The following TUSC3 variants were observed in gnomAD, a reference collection of about 807,000 sequenced individuals.
TUSC3 encodes dolichyl-diphosphooligosaccharide--protein glycosyltransferase subunit TUSC3.
TUSC3 carries 45 observed loss-of-function variants against 44.8 expected under a neutral mutation model. That is an observed-to-expected ratio of 1.00 (90% CI 0.79 to 1.29). TUSC3 has a LOEUF of 1.29. TUSC3 is among the 50% of genes most tolerant of loss of function. The pLI is 0.00. For missense variants in TUSC3, 519 were observed against 437.9 expected, an observed-to-expected ratio of 1.19 and a Z score of -1.65; for synonymous variants, 212 against 152.9, an observed-to-expected ratio of 1.39 and a Z score of -2.85.
chr8:15,422,372 G>A (rs1012904752), intron 1 of TUSC3, among the ~76,000 whole-genome samples: 14 of 152,022 alleles, frequency 9.2e-5, no homozygotes, highest in African/African-American at 3.4e-4. Context: ...TTTATAACAC[G>A]TCTTCTTACC....
rs1003305376 is a variant in TUSC3 at position 15,508,564 on chromosome 8, C to T, written n.189+25081C>T. On this transcript the variant is annotated intron_variant and non_coding_transcript_variant, in intron 2 of 5. Coordinates refer to the TUSC3 transcript ENST00000503191. ...GCAAGCTCCGCCTCCCGGGTTCGTGCCATTCTCCTGCCTCAGCCTCCCGAG... is the reference window on the plus strand; with the variant it reads ...GCAAGCTCCGCCTCCCGGGTTCGTGTCATTCTCCTGCCTCAGCCTCCCGAG... Among the ~76,000 whole-genome samples the T allele has an allele frequency of 3.5e-5, 5 of 142,258 alleles. 1 individual carries two copies. Among genetic ancestry groups the T allele is most frequent in the African/African-American group, 1.3e-4 (5 of 38,376 alleles). 93.3% of individuals were successfully genotyped at this position (142,258 alleles called of 152,430 possible).
intron 1 of TUSC3, among the ~76,000 whole-genome samples, chr8:15,554,478 A>G (rs1802168012): frequency 6.6e-6 from 1 of 151,698 alleles, no homozygotes; most frequent in Non-Finnish European, 1.5e-5. Flanking sequence ...CTGACAACTC[A>G]CAATGAAGAA....
intron 1 of TUSC3, among the ~76,000 whole-genome samples, chr8:15,618,514 C>T (rs1211577781): frequency 6.6e-6 from 1 of 152,116 alleles, no homozygotes. Flanking sequence ...TATCTTCCAC[C>T]TCCACATCTT....
the TUSC3 span, among the ~76,000 whole-genome samples, chr8:15,775,006 A>T: frequency 6.6e-6 from 1 of 152,202 alleles, no homozygotes; most frequent in African/African-American, 2.4e-5. Context: ...GTGTTTAAAC[A>T]AAACTTGCAC....
chr8:15,626,903 C>A (rs1260951799), intron 2 of TUSC3, among the ~76,000 whole-genome samples: 1 of 152,214 alleles, frequency 6.6e-6, no homozygotes, highest in African/African-American at 2.4e-5. Context: ...CCATGAATGG[C>A]TGCAGGAGGC....
intron 10 of TUSC3, 50 bp downstream of exon 10, chr8:15,757,905 A>T (rs768079855): frequency 6.9e-7 from 1 of 1,452,034 alleles, no homozygotes; most frequent in Non-Finnish European, 9.7e-7. Flanking sequence ...TTTTTCAAAT[A>T]TAGAGAGTAT....
intron 1 of TUSC3, among the ~76,000 whole-genome samples, chr8:15,601,916 TA>T (rs1804301777): frequency 2.6e-5 from 1 of 38,288 alleles, no homozygotes; most frequent in Non-Finnish European, 6.3e-5. Context: ...GTTATTTATG[TA>T]TTTTTTTTTA....
chr8:15,573,661 G>T (rs1802977577), intron 1 of TUSC3, among the ~76,000 whole-genome samples: 1 of 151,932 alleles, frequency 6.6e-6, no homozygotes, highest in African/African-American at 2.4e-5. Context: ...ACTTTTAAAG[G>T]GGCTGCTAGC....
intron 1 of TUSC3, among the ~76,000 whole-genome samples, chr8:15,433,833 T>G (rs1799910347): frequency 6.6e-6 from 1 of 152,202 alleles, no homozygotes; most frequent in East Asian, 1.9e-4. Context: ...ACATACTCTG[T>G]ATTTGGATTT....
At chr8:15,451,147 T>C (rs1426522058) in intron 1 of TUSC3, among the ~76,000 whole-genome samples, 1 of 152,228 alleles carries the variant, frequency 6.6e-6, no homozygotes, top group Non-Finnish European at 1.5e-5. Flanking sequence ...GTGGTTGTGA[T>C]ATCATGATAT....
At chr8:15,618,482 T>G (rs1805094937) in intron 1 of TUSC3, among the ~76,000 whole-genome samples, 1 of 152,158 alleles carries the variant, frequency 6.6e-6, no homozygotes, top group Non-Finnish European at 1.5e-5. Context: ...GGCCTGCACA[T>G]GGTCAGGATT....
the TUSC3 span, among the ~76,000 whole-genome samples, chr8:15,843,117 T>C: frequency 6.6e-6 from 1 of 152,194 alleles, no homozygotes; most frequent in Non-Finnish European, 1.5e-5. Flanking sequence ...AATTTACTCT[T>C]ATGATCTCTT....
chr8:15,676,207 T>C lies in TUSC3; in HGVS notation c.798+2371T>C, dbSNP rs148730475. On this transcript the variant is annotated intron_variant, in intron 6 of 10. Transcript: ENST00000503731. Reference sequence around the variant, plus strand: ...AGAAATTAAATGTATGTAATTAAATTATTAGAAATTAAATGTATGATGTGT... The same window carrying C: ...AGAAATTAAATGTATGTAATTAAATCATTAGAAATTAAATGTATGATGTGT... 1.4e-4 allele frequency among the ~76,000 whole-genome samples: 21 copies of C among 152,330 alleles called. No homozygotes were observed. In the East Asian group the frequency reaches 3.7e-3, roughly 27 times the overall value.
At chr8:15,700,849 C>CTTTTTTTTTGTTTTTTTTTTT (rs1809367658) in intron 6 of TUSC3, among the ~76,000 whole-genome samples, 1 of 90,536 alleles carries the variant, frequency 1.1e-5, no homozygotes, top group African/African-American at 4.9e-5. Context: ...ATGGCTGGAG[C>CTTTTTTTTTGTTTTTTTTTTT]TTTTTTTTTT....
chr8:15,556,694 C>T lies in TUSC3; in HGVS notation c.138+16126C>T, dbSNP rs4642647. The stretch of plus-strand genomic sequence containing the variant: ...TTTCCTGACTTTTTAATGATTGCCA[C>T]TCTAACTGGTGTGAGATGGTATCTC... On this transcript the variant is annotated intron_variant, in intron 1 of 10. Coordinates refer to ENST00000503731, the MANE Select transcript of TUSC3 (RefSeq NM_006765.4). Among the ~76,000 whole-genome samples, 1,114 of 144,936 alleles carry T rather than the reference C, an allele frequency of 7.7e-3. 32 individuals carry two copies. The highest frequency in any genetic ancestry group is 0.058 in the Admixed American group (814 of 13,988).
At chr8:15,660,969 A>C (rs561326167) in intron 4 of TUSC3, among the ~76,000 whole-genome samples, 5 of 151,162 alleles carry the variant, frequency 3.3e-5, no homozygotes, top group African/African-American at 9.7e-5. Context: ...TTTAGAAATG[A>C]AAACAGTACA....
At chr8:15,457,572 C>T (rs1023619938) in intron 1 of TUSC3, among the ~76,000 whole-genome samples, 44 of 150,778 alleles carry the variant, frequency 2.9e-4, no homozygotes, top group African/African-American at 8.9e-4. Context: ...TCTGCACATA[C>T]GCTACGAGAA....
intron 1 of TUSC3, among the ~76,000 whole-genome samples, chr8:15,563,273 A>C (rs559628598): frequency 1.2e-4 from 18 of 152,236 alleles, no homozygotes; most frequent in African/African-American, 3.9e-4. Flanking sequence ...GACCACTAGA[A>C]GGTGAATCTC....
At chr8:15,670,694 A>G (rs574948173) in intron 5 of TUSC3, among the ~76,000 whole-genome samples, 100 of 152,018 alleles carry the variant, frequency 6.6e-4, no homozygotes, top group African/African-American at 2.3e-3. Flanking sequence ...AAACTGAACT[A>G]CATTAAAATT....
Sources: gnomAD v4.1 joint callset for allele counts (sites outside exome capture counted in the v4.1 genomes callset) on GRCh38, gnomAD v4.1.1 for gene constraint, MANE v1.5 for transcripts, NCBI Gene and HGNC (gene_info 2026-07-23, HGNC 2026-07-21) for gene names.